The following USP25 variants were observed in gnomAD, a reference collection of about 807,000 sequenced individuals.
USP25 encodes ubiquitin specific peptidase 25.
Under a neutral mutation model 158.5 loss-of-function variants are expected in USP25, and 85 were observed. That is an observed-to-expected ratio of 0.54 (90% CI 0.45 to 0.64). The LOEUF (loss-of-function observed/expected upper bound fraction) is 0.64, where lower values mean the gene tolerates loss of function less well. Among genes scored for constraint, USP25 ranks in the 30% least tolerant of loss-of-function variants. USP25 has a pLI of 0.00. For synonymous variants in USP25, 464 were observed against 460.4 expected (o/e 1.01, Z -0.10); for missense variants, 1,242 against 1,327.3 (o/e 0.94, Z 1.00).
chr21:15,873,965 G>C (rs2039999480), intron 23 of USP25, among the ~76,000 whole-genome samples: 1 of 149,228 alleles, frequency 6.7e-6, no homozygotes, highest in Non-Finnish European at 1.5e-5. Context: ...ACATAGAAAA[G>C]AACCTGTCTA....
At chr21:15,865,839 G>A (rs1288262104) in intron 21 of USP25, among the ~76,000 whole-genome samples, 47 of 152,028 alleles carry the variant, frequency 3.1e-4, no homozygotes, top group Non-Finnish European at 1.0e-4. Flanking sequence ...AATCCAGTGG[G>A]ATGTTTCCAT....
chr21:15,839,125 A>T (rs1271010696), intron 17 of USP25, among the ~76,000 whole-genome samples: 1 of 152,182 alleles, frequency 6.6e-6, no homozygotes, highest in Non-Finnish European at 1.5e-5. Context: ...CTGGTCATTC[A>T]TGGTGAAATG....
rs1241715015 is a variant in USP25 at position 15,750,834 on chromosome 21, C to T, written c.46-12057C>T. Among the ~76,000 whole-genome samples, 3 of 147,420 alleles carry T rather than the reference C, an allele frequency of 2.0e-5. No individual in the cohort carries two copies. The East Asian group carries it at 6.0e-4, about 29-fold the overall frequency. On this transcript the variant is annotated intron_variant, in intron 1 of 25. Coordinates refer to ENST00000400183, the MANE Select transcript of USP25 (RefSeq NM_001283041.3). ...TGTTAGCCAGGATGGTCTCAATCTCCTGACCTTGTGATCCGTCTGCCTCCG... is the reference window on the plus strand; with the variant it reads ...TGTTAGCCAGGATGGTCTCAATCTCTTGACCTTGTGATCCGTCTGCCTCCG...
chr21:15,845,697 G>A (rs1009884394), intron 18 of USP25, among the ~76,000 whole-genome samples: 2 of 152,032 alleles, frequency 1.3e-5, no homozygotes, highest in African/African-American at 4.8e-5. Flanking sequence ...AGATAGAATT[G>A]TTTTGGATTG....
chr21:15,869,437 T>C, intron 22 of USP25, among the ~76,000 whole-genome samples: 1 of 152,076 alleles, frequency 6.6e-6, no homozygotes, highest in Non-Finnish European at 1.5e-5. Context: ...GCTAAGAAAA[T>C]CTTGACTTTG....
intron 1 of USP25, among the ~76,000 whole-genome samples, chr21:15,731,004 A>G (rs547937629): frequency 3.6e-5 from 3 of 83,740 alleles, no homozygotes; most frequent in East Asian, 3.3e-4. Context: ...TTTTTTTTCA[A>G]TATAGAAACT....
chr21:15,745,463 TTTTTC>T (rs1283740474), intron 1 of USP25, among the ~76,000 whole-genome samples: 2 of 149,698 alleles, frequency 1.3e-5, no homozygotes, highest in East Asian at 3.9e-4. Context: ...TTTCTTTTTC[TTTTTC>T]TTTTCTTTTT....
intron 20 of USP25, among the ~76,000 whole-genome samples, chr21:15,856,387 TAGAG>T (rs2039138568): frequency 1.3e-5 from 2 of 152,212 alleles, no homozygotes; most frequent in Non-Finnish European, 2.9e-5. Context: ...TTGTATATCC[TAGAG>T]AGATAGATGA....
At chr21:15,847,384 A>G (rs1159566666) in intron 18 of USP25, among the ~76,000 whole-genome samples, 1 of 152,158 alleles carries the variant, frequency 6.6e-6, no homozygotes, top group Non-Finnish European at 1.5e-5. Flanking sequence ...TAAAGGGAAA[A>G]CTGCAGATTT....
intron 4 of USP25, among the ~76,000 whole-genome samples, chr21:15,789,376 T>C (rs547461579): frequency 2.6e-3 from 398 of 152,218 alleles, no homozygotes; most frequent in Non-Finnish European, 2.7e-3. Flanking sequence ...CCTCAAGTTT[T>C]CTGTAGCTGA....
intron 1 of USP25, among the ~76,000 whole-genome samples, chr21:15,745,336 A>C (rs1038261572): frequency 2.6e-5 from 4 of 152,174 alleles, no homozygotes; most frequent in Non-Finnish European, 5.9e-5. Flanking sequence ...ATATGTAATT[A>C]CAAATACTTT....
intron 4 of USP25, among the ~76,000 whole-genome samples, chr21:15,783,094 G>A (rs1348516269): frequency 6.6e-6 from 1 of 151,722 alleles, no homozygotes; most frequent in East Asian, 1.9e-4. Flanking sequence ...GAGGAATTAA[G>A]TGAATGAAAT....
chr21:15,765,233 T>C (rs868804157), intron 2 of USP25, among the ~76,000 whole-genome samples: 20 of 152,234 alleles, frequency 1.3e-4, no homozygotes, highest in Middle Eastern at 6.8e-3. Context: ...TTAACTGTTT[T>C]AGAGCTAACG....
At chr21:15,734,894 C>G (rs2031338123) in intron 1 of USP25, among the ~76,000 whole-genome samples, 1 of 152,110 alleles carries the variant, frequency 6.6e-6, no homozygotes, top group Non-Finnish European at 1.5e-5. Context: ...ACTATATAAT[C>G]CGTGTAAGGC....
intron 4 of USP25, among the ~76,000 whole-genome samples, chr21:15,788,146 A>G (rs2035397622): frequency 6.6e-6 from 1 of 151,816 alleles, no homozygotes; most frequent in Non-Finnish European, 1.5e-5. Flanking sequence ...ACATTTTGTT[A>G]TAGGCTATCT....
intron 6 of USP25, among the ~76,000 whole-genome samples, chr21:15,800,913 A>G (rs962197438): frequency 4.0e-5 from 6 of 151,544 alleles, no homozygotes; most frequent in African/African-American, 1.2e-4. Flanking sequence ...TCTGGGCTGT[A>G]GAGTGTCAGG....
chr21:15,754,385 G>T (rs1391650570), intron 1 of USP25, among the ~76,000 whole-genome samples: 2 of 152,172 alleles, frequency 1.3e-5, no homozygotes, highest in African/African-American at 2.4e-5. Flanking sequence ...TTATATGTAT[G>T]TACCAGGAGT....
chr21:15,856,859 T>C (rs534789265), intron 20 of USP25, among the ~76,000 whole-genome samples: 1 of 152,328 alleles, frequency 6.6e-6, no homozygotes, highest in African/African-American at 2.4e-5. Context: ...TTTATCTCAG[T>C]ATTTTTCCTT....
Position 15,878,483 on chromosome 21 carries a change from A to G in USP25, c.*8A>G, listed in dbSNP as rs941897339. The G allele has an allele frequency of 2.5e-6, 4 of 1,613,666 alleles. No homozygotes were observed. The highest frequency in any genetic ancestry group is 1.7e-5 in the Admixed American group (1 of 59,976). On this transcript the variant is annotated 3_prime_UTR_variant, in exon 26 of 26. Coordinates refer to ENST00000400183, the MANE Select transcript of USP25 (RefSeq NM_001283041.3). ...CCTGCTGATGGAAGATAAACTGCAC[A>G]CTTTCCCTGAACACACTGTATAAAC... is the stretch of plus-strand genomic sequence containing the variant.
Sources: allele counts gnomAD v4.1 joint callset (sites outside exome capture counted in the v4.1 genomes callset), GRCh38; gene constraint gnomAD v4.1.1; transcripts MANE v1.5; gene names NCBI Gene and HGNC (gene_info 2026-07-23, HGNC 2026-07-21).